FAM107B: variants seen among roughly 807,000 people sequenced by gnomAD.
The protein encoded by FAM107B is family with sequence similarity 107 member B, also known as protein FAM107B.
Under a neutral mutation model 31.5 loss-of-function variants are expected in FAM107B, and 21 were observed. The observed-to-expected ratio is 0.67, with a 90% CI of 0.47 to 0.96. The LOEUF is 0.96. FAM107B is among the 40% of genes least tolerant of loss of function. The probability of loss-of-function intolerance (pLI) is 0.00; values close to 1 mark genes in which losing one functional copy is unlikely to be tolerated. For synonymous variants in FAM107B, 157 were observed against 141.5 expected (o/e 1.11, Z -0.78); for missense variants, 452 against 377.1 (o/e 1.20, Z -1.64).
intron 1 of FAM107B, among the ~76,000 whole-genome samples, chr10:14,766,336 A>G (rs915380559): frequency 1.3e-5 from 2 of 152,206 alleles, no homozygotes; most frequent in African/African-American, 4.8e-5. Context: ...AAAGTTATTT[A>G]GTTATTTGCA....
At chr10:14,587,357 T>C (rs1253818033) in intron 2 of FAM107B, among the ~76,000 whole-genome samples, 5 of 152,210 alleles carry the variant, frequency 3.3e-5, no homozygotes. Context: ...TATATTCTCA[T>C]ATATTTATTT....
intron 1 of FAM107B, among the ~76,000 whole-genome samples, chr10:14,698,040 G>A (rs921283536): frequency 2.6e-5 from 4 of 151,880 alleles, no homozygotes; most frequent in Non-Finnish European, 4.4e-5. Flanking sequence ...CACAAGGATC[G>A]ATTGAACCCA....
intron 1 of FAM107B, among the ~76,000 whole-genome samples, chr10:14,701,539 C>A (rs1855398835): frequency 6.6e-6 from 1 of 152,190 alleles, no homozygotes; most frequent in South Asian, 2.1e-4. Flanking sequence ...GCCACCATGC[C>A]TGGCCAAAAA....
chr10:14,672,577 CTGATGGGACCT>C (rs1354414570), intron 1 of FAM107B, among the ~76,000 whole-genome samples: 1 of 152,082 alleles, frequency 6.6e-6, no homozygotes, highest in Non-Finnish European at 1.5e-5. Flanking sequence ...AGTTTATAAC[CTGATGGGACCT>C]CCATTCTATA....
intron 1 of FAM107B, among the ~76,000 whole-genome samples, chr10:14,772,993 T>A: frequency 6.6e-6 from 1 of 152,202 alleles, no homozygotes; most frequent in East Asian, 1.9e-4. Flanking sequence ...AATATCAACT[T>A]GGCCATGAAT....
intron 1 of FAM107B, among the ~76,000 whole-genome samples, chr10:14,729,100 C>G (rs561185035): frequency 6.6e-6 from 1 of 152,132 alleles, no homozygotes; most frequent in South Asian, 2.1e-4. Context: ...TCAAGCAGTC[C>G]TCCCACCTCA....
chr10:14,746,023 T>G (rs1832721468), intron 1 of FAM107B, among the ~76,000 whole-genome samples: 1 of 152,188 alleles, frequency 6.6e-6, no homozygotes, highest in Admixed American at 6.5e-5. Flanking sequence ...CTCTTCTTGT[T>G]GAGTTGATCC....
At chr10:14,621,863 A>G (rs2182453) in intron 2 of FAM107B, among the ~76,000 whole-genome samples, 147,968 of 152,190 alleles carry the variant, frequency 0.97, 72,082 homozygotes, top group Middle Eastern at 1. Flanking sequence ...AATTCTTCAG[A>G]GTAAAAAAAA....
intron 2 of FAM107B, among the ~76,000 whole-genome samples, chr10:14,597,461 G>C (rs1334545937): frequency 6.6e-6 from 1 of 152,142 alleles, no homozygotes; most frequent in Non-Finnish European, 1.5e-5. Context: ...TGACACTTTA[G>C]GAACAATGCC....
chr10:14,613,918 G>A (rs1852787114), intron 2 of FAM107B, among the ~76,000 whole-genome samples: 1 of 152,122 alleles, frequency 6.6e-6, no homozygotes, highest in Admixed American at 6.5e-5. Context: ...ATCACTTGAG[G>A]TCAGCAGTTC....
Position 14,725,467 on chromosome 10 carries a change from A to C in FAM107B, c.411+48786T>G, listed in dbSNP as rs150820608. On this transcript the variant is annotated intron_variant, in intron 1 of 4. Coordinates refer to ENST00000181796, the MANE Select transcript of FAM107B (RefSeq NM_031453.4). ...CAGAGGCTGAGTGGCTAAAACAACA[A>C]ACTTATTTCTTAGAGTGCTGGAAGC... 3.5e-3 allele frequency among the ~76,000 whole-genome samples: 526 copies of C among 152,342 alleles called. 12 individuals are homozygous for C. In the East Asian group the frequency reaches 0.046, roughly 13 times the overall value.
chr10:14,540,782 G>C lies in FAM107B; in HGVS notation c.470-10267C>G, dbSNP rs186716084. Among the ~76,000 whole-genome samples, 358 of 152,286 alleles carry C rather than the reference G, an allele frequency of 2.4e-3. 4 individuals carry two copies. Among genetic ancestry groups the C allele is most frequent in the Admixed American group, 0.022 (340 of 15,302 alleles). On this transcript the variant is annotated intron_variant, in intron 2 of 4. Coordinates refer to ENST00000181796, the MANE Select transcript of FAM107B (RefSeq NM_031453.4). Reference sequence around the variant, plus strand: ...ACTTCGTACTGGAATGTTCACCTCAGAATCAACAGGTGTCAAGTTGAGCTC... The same window carrying C: ...ACTTCGTACTGGAATGTTCACCTCACAATCAACAGGTGTCAAGTTGAGCTC...
chr10:14,568,915 G>A (rs1360031227), intron 2 of FAM107B, among the ~76,000 whole-genome samples: 2 of 152,268 alleles, frequency 1.3e-5, no homozygotes, highest in African/African-American at 4.8e-5. Context: ...CATAATAAAT[G>A]GCAACACCAG....
chr10:14,629,482 A>C (rs1279103011), intron 2 of FAM107B, among the ~76,000 whole-genome samples: 3 of 108,886 alleles, frequency 2.8e-5, no homozygotes, highest in African/African-American at 1.2e-4. Flanking sequence ...ATATATATAT[A>C]ACATATATAA....
intron 1 of FAM107B, among the ~76,000 whole-genome samples, chr10:14,749,192 C>T (rs1434719932): frequency 6.6e-6 from 1 of 152,080 alleles, no homozygotes; most frequent in East Asian, 1.9e-4. Context: ...GGTGGAAAGG[C>T]TATGTTTATA....
At chr10:14,705,384 G>A (rs914160364) in intron 1 of FAM107B, among the ~76,000 whole-genome samples, 11 of 152,118 alleles carry the variant, frequency 7.2e-5, no homozygotes, top group African/African-American at 2.2e-4. Context: ...AGAATTAAAA[G>A]CAGAGTCTAG....
chr10:14,710,429 A>AACACAC (rs1337029424), intron 1 of FAM107B, among the ~76,000 whole-genome samples: 9 of 102,854 alleles, frequency 8.8e-5, no homozygotes, highest in African/African-American at 4.1e-4. Context: ...TGTCTCTAAA[A>AACACAC]ATACACACAC....
chr10:14,673,365 C>T (rs1165164531), intron 1 of FAM107B, among the ~76,000 whole-genome samples: 1 of 152,212 alleles, frequency 6.6e-6, no homozygotes, highest in Non-Finnish European at 1.5e-5. Context: ...TCAGCTCTCA[C>T]ATATGAGTCA....
At chr10:14,605,015 G>C (rs1475074479) in intron 2 of FAM107B, among the ~76,000 whole-genome samples, 1 of 152,104 alleles carries the variant, frequency 6.6e-6, no homozygotes, top group Non-Finnish European at 1.5e-5. Context: ...CGTCTCCCCG[G>C]CAAGTCTGCG....
Sources: allele counts gnomAD v4.1 joint callset (sites outside exome capture counted in the v4.1 genomes callset), GRCh38; gene constraint gnomAD v4.1.1; transcripts MANE v1.5; gene names NCBI Gene and HGNC (gene_info 2026-07-23, HGNC 2026-07-21).